Variants in SDK1 observed in about 807,000 individuals in gnomAD.
The protein encoded by SDK1 is protein sidekick-1.
A neutral mutation model predicts 245.5 loss-of-function variants in SDK1; 157 were observed. The ratio of observed to expected loss-of-function variants is 0.64; its 90% confidence interval spans 0.56 to 0.73. The LOEUF (loss-of-function observed/expected upper bound fraction) is 0.73. SDK1 is among the 30% of genes least tolerant of loss of function. The pLI, the probability that SDK1 is intolerant of heterozygous loss-of-function variation, is 0.00. For synonymous variants in SDK1, 1,647 were observed against 1,278.5 expected (o/e 1.29, Z -6.15); for missense variants, 3,583 against 3,002.3 (o/e 1.19, Z -4.52).
chr7:3,606,477 G>A (rs1028034151), intron 1 of SDK1, among the ~76,000 whole-genome samples: 1 of 152,032 alleles, frequency 6.6e-6, no homozygotes, highest in Non-Finnish European at 1.5e-5. Context: ...ATAAGTCCAG[G>A]GTCCCATAAG....
chr7:4,001,983 G>T (rs1210328065), intron 14 of SDK1, among the ~76,000 whole-genome samples: 1 of 152,192 alleles, frequency 6.6e-6, no homozygotes. Flanking sequence ...TCATCTGGGG[G>T]CCCTCGCAGT....
chr7:4,115,977 T>TG (rs1205442450), intron 25 of SDK1, among the ~76,000 whole-genome samples: 6 of 151,806 alleles, frequency 4.0e-5, no homozygotes, highest in African/African-American at 1.5e-4. Context: ...GCGGATGACG[T>TG]GGGGGCACAA....
intron 1 of SDK1, among the ~76,000 whole-genome samples, chr7:3,439,710 A>G (rs890472714): frequency 6.6e-6 from 1 of 152,250 alleles, no homozygotes; most frequent in African/African-American, 2.4e-5. Flanking sequence ...CTTGCTTTAT[A>G]GAACAGAAAA....
intron 19 of SDK1, among the ~76,000 whole-genome samples, chr7:4,058,427 C>G (rs1049104640): frequency 2.0e-5 from 3 of 151,780 alleles, no homozygotes; most frequent in African/African-American, 7.3e-5. Flanking sequence ...GGATACAAAC[C>G]TGATTTAACA....
intron 5 of SDK1, among the ~76,000 whole-genome samples, chr7:3,931,508 G>T (rs1779978582): frequency 6.6e-6 from 1 of 152,118 alleles, no homozygotes; most frequent in South Asian, 2.1e-4. Context: ...ACAATAAAGA[G>T]TAAGTAAACA....
chr7:3,987,329 A>T lies in SDK1; in HGVS notation c.2131+7A>T. Reference sequence around the variant, plus strand: ...GTGGAGCTCTCTGAAAACAGTAAGTAGCAAAATGAAACTGTCACCATGGAC... The same window carrying T: ...GTGGAGCTCTCTGAAAACAGTAAGTTGCAAAATGAAACTGTCACCATGGAC... On this transcript the variant is annotated splice_region_variant and intron_variant, in intron 14 of 44. Transcript: ENST00000404826. 6.2e-7 allele frequency: 1 copy of T among 1,613,360 alleles called. No individual in the cohort carries two copies. The highest frequency in any genetic ancestry group is 8.5e-7 in the Non-Finnish European group (1 of 1,179,540).
chr7:3,995,594 T>A (rs185765185), intron 14 of SDK1, among the ~76,000 whole-genome samples: 65 of 152,302 alleles, frequency 4.3e-4, no homozygotes, highest in Admixed American at 7.2e-4. Flanking sequence ...TAGAAGGCAA[T>A]CATTTGAATA....
At chr7:3,325,816 T>C (rs542789537) in intron 1 of SDK1, among the ~76,000 whole-genome samples, 1 of 152,270 alleles carries the variant, frequency 6.6e-6, no homozygotes, top group East Asian at 1.9e-4. Context: ...CAACTAGTTT[T>C]TCCTGTGCAG....
chr7:3,973,936 G>A (rs1782683953), intron 12 of SDK1, among the ~76,000 whole-genome samples: 1 of 152,026 alleles, frequency 6.6e-6, no homozygotes, highest in African/African-American at 2.4e-5. Flanking sequence ...AATCCCAGCA[G>A]TTTGGGAGGC....
At chr7:3,819,631 G>A (rs904070415) in intron 4 of SDK1, among the ~76,000 whole-genome samples, 18 of 151,952 alleles carry the variant, frequency 1.2e-4, no homozygotes, top group African/African-American at 4.3e-4. Context: ...ATCTATAAAG[G>A]AGTCATAAAT....
chr7:3,600,863 A>T (rs746984045), intron 1 of SDK1, among the ~76,000 whole-genome samples: 2 of 152,092 alleles, frequency 1.3e-5, no homozygotes, highest in African/African-American at 4.8e-5. Context: ...AGGTTTTTAA[A>T]AATTGATTTT....
At chr7:4,035,221 G>A (rs1788128898) in intron 17 of SDK1, among the ~76,000 whole-genome samples, 1 of 152,002 alleles carries the variant, frequency 6.6e-6, no homozygotes, top group Admixed American at 6.6e-5. Flanking sequence ...CTGACCTCAA[G>A]CAATCCATCC....
intron 1 of SDK1, among the ~76,000 whole-genome samples, chr7:3,495,120 G>T (rs1781984513): frequency 6.6e-6 from 1 of 152,086 alleles, no homozygotes; most frequent in Non-Finnish European, 1.5e-5. Flanking sequence ...GTCAGTCTCT[G>T]AAGCTTGAAA....
At chr7:3,853,088 C>A (rs977028240) in intron 5 of SDK1, among the ~76,000 whole-genome samples, 2 of 151,976 alleles carry the variant, frequency 1.3e-5, no homozygotes, top group East Asian at 3.9e-4. Context: ...AAAGTTAGTT[C>A]TCCACGTACG....
In SDK1 at chr7:3,983,886, C is replaced by G. The variant is rs549089548; in HGVS notation, c.1995-3300C>G. On this transcript the variant is annotated intron_variant, in intron 13 of 44. Coordinates refer to ENST00000404826, the MANE Select transcript of SDK1 (RefSeq NM_152744.4). ...GAGCCAATGGAGTGACTTCGGGGGA[C>G]AGTCGCAGAGAAGGACGTGTGCGTC... is the stretch of plus-strand genomic sequence containing the variant. Among the ~76,000 whole-genome samples the G allele has an allele frequency of 5.3e-5, 8 of 152,324 alleles. No homozygotes were observed. The East Asian group carries it at 1.4e-3, about 26-fold the overall frequency.
In SDK1 at chr7:3,856,683, C is replaced by G. The variant is rs1780555366; in HGVS notation, c.847+35100C>G. 2.0e-5 allele frequency among the ~76,000 whole-genome samples: 3 copies of G among 151,934 alleles called. No individual in the cohort carries two copies. In the South Asian group the frequency reaches 6.2e-4, roughly 32 times the overall value. ...GCGGGCACCTGTAATCCCAGCTAGTCAGGAGGCTGAGGCAGGAGTGTCGCT... is the reference window on the plus strand; with the variant it reads ...GCGGGCACCTGTAATCCCAGCTAGTGAGGAGGCTGAGGCAGGAGTGTCGCT... On this transcript the variant is annotated intron_variant, in intron 5 of 44. Transcript: ENST00000404826.
chr7:3,543,440 C>T (rs1302038228), intron 1 of SDK1, among the ~76,000 whole-genome samples: 2 of 152,210 alleles, frequency 1.3e-5, no homozygotes, highest in Admixed American at 6.5e-5. Flanking sequence ...CCAAATGGAG[C>T]ACTGGTAGAA....
chr7:3,902,559 T>C (rs190293812), intron 5 of SDK1, among the ~76,000 whole-genome samples: 8 of 152,366 alleles, frequency 5.3e-5, no homozygotes, highest in Admixed American at 3.3e-4. Context: ...CCATTTGTTA[T>C]ATTACCTATT....
At position 3,951,018 on chromosome 7, in the gene SDK1, T is replaced by C. The variant is rs1438997302; in HGVS notation, c.943T>C (p.Cys315Arg). The C allele has an allele frequency of 3.7e-6, 6 of 1,613,272 alleles. No individual in the cohort carries two copies. The highest frequency in any genetic ancestry group is 3.3e-5 in the Admixed American group (2 of 59,998). The change falls in exon 6 of 45, where the codon TGT (cysteine) becomes CGT (arginine). Residue 315 changes from cysteine to arginine, a missense_variant. Transcript: ENST00000404826. ...TGGATCCAGTGAGACCACCTTGGAA[T>C]GTATAGCCAGTGCCAGGTACGAGGC... The part of the protein sequence containing the change: ...VAGSSETTLE[C>R]IASARPVEDL...
Sources: gnomAD v4.1 joint callset for allele counts (sites outside exome capture counted in the v4.1 genomes callset) on GRCh38, gnomAD v4.1.1 for gene constraint, MANE v1.5 for transcripts, NCBI Gene and HGNC (gene_info 2026-07-23, HGNC 2026-07-21) for gene names.